The following GNA14 variants were observed in gnomAD, a reference collection of about 807,000 sequenced individuals.
GNA14 encodes guanine nucleotide-binding protein subunit alpha-14.
GNA14 carries 50 observed loss-of-function variants against 42.0 expected under a neutral mutation model. The observed-to-expected ratio is 1.19, with a 90% CI of 0.95 to 1.51. The LOEUF (loss-of-function observed/expected upper bound fraction) is 1.51. Among genes scored for constraint, GNA14 ranks in the 40% most tolerant of loss-of-function variants. GNA14 has a pLI of 0.00. For synonymous variants in GNA14, 173 were observed against 163.1 expected (o/e 1.06, Z -0.46); for missense variants, 473 against 446.2 (o/e 1.06, Z -0.54).
chr9:77,434,573 C>A, intron 2 of GNA14, 51 bp from the exon 3 acceptor site: 1 of 1,517,108 alleles, frequency 6.6e-7, no homozygotes, highest in Non-Finnish European at 9.1e-7. Context: ...GGAAGCCAAC[C>A]CATTGGCAAT....
At chr9:77,554,844 C>T (rs1822737928) in intron 1 of GNA14, among the ~76,000 whole-genome samples, 1 of 152,174 alleles carries the variant, frequency 6.6e-6, no homozygotes, top group Admixed American at 6.5e-5. Context: ...GCTAGAATTG[C>T]ATGTTTTTGT....
intron 1 of GNA14, among the ~76,000 whole-genome samples, chr9:77,609,884 G>C (rs758872832): frequency 1.3e-5 from 2 of 152,168 alleles, no homozygotes; most frequent in Non-Finnish European, 2.9e-5. Context: ...AATGCAGGGA[G>C]GTTCATGTAT....
chr9:77,645,102 A>G (rs1012026484), intron 1 of GNA14, among the ~76,000 whole-genome samples: 8 of 152,234 alleles, frequency 5.3e-5, no homozygotes, highest in Non-Finnish European at 1.2e-4. Flanking sequence ...CAGAAACAGG[A>G]TACTGCACTT....
At chr9:77,478,253 C>T (rs1479100763) in intron 2 of GNA14, among the ~76,000 whole-genome samples, 1 of 151,640 alleles carries the variant, frequency 6.6e-6, no homozygotes, top group Non-Finnish European at 1.5e-5. Context: ...GTTCAATTCC[C>T]ACCTATGAGT....
At position 77,431,579 on chromosome 9, in the gene GNA14, C is replaced by G. The variant is rs937380777; in HGVS notation, c.465-130G>C. On this transcript the variant is annotated intron_variant, in intron 3 of 6. Coordinates refer to ENST00000341700, the MANE Select transcript of GNA14 (RefSeq NM_004297.4). ...CACACGAATTCCATCAATGACTTTC[C>G]TGAGAGCCAGTGCCAGGCCAGGCTT... The G allele has an allele frequency of 2.2e-5, 17 of 772,356 alleles. No individual in the cohort carries two copies. In the Admixed American group the frequency reaches 4.0e-4, roughly 18 times the overall value. The allele number at this position is 772,356 out of a possible 1,614,324, so 47.8% of individuals were successfully genotyped here. A position where few individuals can be genotyped will look rare whatever the true frequency, so the allele number is the denominator to read the frequency against.
At chr9:77,579,783 T>C (rs1396950430) in intron 1 of GNA14, among the ~76,000 whole-genome samples, 1 of 152,220 alleles carries the variant, frequency 6.6e-6, no homozygotes, top group East Asian at 1.9e-4. Context: ...AATTGTGAAG[T>C]GCTTGGACAG....
chr9:77,527,403 G>T (rs1053724762), intron 2 of GNA14, among the ~76,000 whole-genome samples: 1 of 152,188 alleles, frequency 6.6e-6, no homozygotes, highest in Non-Finnish European at 1.5e-5. Flanking sequence ...TCCAACCCAT[G>T]GCCCGTGGGC....
At chr9:77,539,331 C>T (rs2131775238) in intron 1 of GNA14, among the ~76,000 whole-genome samples, 1 of 152,198 alleles carries the variant, frequency 6.6e-6, no homozygotes, top group South Asian at 2.1e-4. Flanking sequence ...TATGTTGGAC[C>T]ATTCTTGTAT....
chr9:77,580,317 G>A (rs1288701149), intron 1 of GNA14: 3 of 335,432 alleles, frequency 8.9e-6, no homozygotes, highest in South Asian at 2.9e-5. Context: ...ATTTGATAAA[G>A]ATACAACCCG....
intron 2 of GNA14, among the ~76,000 whole-genome samples, chr9:77,482,649 T>G: frequency 6.6e-6 from 1 of 152,186 alleles, no homozygotes; most frequent in Non-Finnish European, 1.5e-5. Flanking sequence ...CTGCAGAGTG[T>G]TTTCCAACTT....
chr9:77,600,557 T>C (rs1166100968), intron 1 of GNA14, among the ~76,000 whole-genome samples: 4 of 152,160 alleles, frequency 2.6e-5, no homozygotes, highest in Non-Finnish European at 5.9e-5. Context: ...GGCAAAACCA[T>C]ACTCGGTCAG....
At chr9:77,468,103 C>G (rs1836268520) in intron 2 of GNA14, among the ~76,000 whole-genome samples, 2 of 152,100 alleles carry the variant, frequency 1.3e-5, no homozygotes, top group African/African-American at 2.4e-5. Context: ...AGACTAGGAG[C>G]TGGGGAGTGG....
chr9:77,531,592 T>C (rs1837529858), intron 1 of GNA14, among the ~76,000 whole-genome samples: 1 of 152,176 alleles, frequency 6.6e-6, no homozygotes, highest in Admixed American at 6.5e-5. Context: ...AACATTAATA[T>C]GGCTACATTT....
Position 77,646,436 on chromosome 9 carries a change from A to C in GNA14, c.124+1234T>G, listed in dbSNP as rs796458738. ...CTTCCAGCTCTGTGGGGAGGGGCACACCCCCCCCCAACCCCCAGAAGGCCA... is the reference window on the plus strand; with the variant it reads ...CTTCCAGCTCTGTGGGGAGGGGCACCCCCCCCCCCAACCCCCAGAAGGCCA... On this transcript the variant is annotated intron_variant, in intron 1 of 6. Transcript: ENST00000341700. Among the ~76,000 whole-genome samples, 184 of 145,416 alleles carry C rather than the reference A, an allele frequency of 1.3e-3. 1 individual carries two copies. Among genetic ancestry groups the C allele is most frequent in the African/African-American group, 4.1e-3 (162 of 39,506 alleles).
At chr9:77,508,320 T>C (rs1837103269) in intron 2 of GNA14, among the ~76,000 whole-genome samples, 1 of 152,224 alleles carries the variant, frequency 6.6e-6, no homozygotes, top group South Asian at 2.1e-4. Context: ...CGAGTTGTTT[T>C]ATTTAGTGAA....
chr9:77,550,550 C>T (rs898070289), intron 1 of GNA14, among the ~76,000 whole-genome samples: 1 of 152,174 alleles, frequency 6.6e-6, no homozygotes, highest in Non-Finnish European at 1.5e-5. Context: ...GAAATACCAT[C>T]GCAGTGCACA....
At chr9:77,460,865 T>C (rs1452423110) in intron 2 of GNA14, among the ~76,000 whole-genome samples, 1 of 152,198 alleles carries the variant, frequency 6.6e-6, no homozygotes, top group African/African-American at 2.4e-5. Flanking sequence ...TGACTTTGTT[T>C]TTTTGTAAAT....
intron 1 of GNA14, among the ~76,000 whole-genome samples, chr9:77,559,058 C>A (rs542253092): frequency 1.3e-5 from 2 of 152,192 alleles, no homozygotes; most frequent in Non-Finnish European, 1.5e-5. Context: ...GAGCATCTTC[C>A]TTTTGAGGAT....
intron 2 of GNA14, among the ~76,000 whole-genome samples, chr9:77,466,698 T>C (rs1836234095): frequency 6.6e-6 from 1 of 152,210 alleles, no homozygotes; most frequent in Non-Finnish European, 1.5e-5. Flanking sequence ...GAGCTTTCTT[T>C]TGAGAGCTGG....
Sources: allele counts gnomAD v4.1 joint callset (sites outside exome capture counted in the v4.1 genomes callset), GRCh38; gene constraint gnomAD v4.1.1; transcripts MANE v1.5; gene names NCBI Gene and HGNC (gene_info 2026-07-23, HGNC 2026-07-21).